Variants in SFI1 observed in about 807,000 individuals in gnomAD.
The protein encoded by SFI1 is protein SFI1 homolog.
A neutral mutation model predicts 207.5 loss-of-function variants in SFI1; 195 were observed. That is an observed-to-expected ratio of 0.94 (90% CI 0.84 to 1.06). The LOEUF (loss-of-function observed/expected upper bound fraction) is 1.06, where lower values mean the gene tolerates loss of function less well. Ranked by LOEUF, SFI1 falls within the 50% of genes least tolerant of loss-of-function variation. The pLI, the probability that SFI1 is intolerant of heterozygous loss-of-function variation, is 0.00. For missense variants in SFI1, 1,634 were observed against 1,588.0 expected (o/e 1.03, Z -0.49); for synonymous variants, 630 against 598.9 (o/e 1.05, Z -0.76).
chr22:31,535,496 T>G (rs1245279101), intron 4 of SFI1, among the ~76,000 whole-genome samples: 1 of 151,462 alleles, frequency 6.6e-6, no homozygotes, highest in African/African-American at 2.4e-5. Context: ...ACCTTTTTTT[T>G]GTTTTTTCTT....
chr22:31,613,579 G>A, intron 26 of SFI1, 23 bp from the exon 27 acceptor site: 1 of 1,578,024 alleles, frequency 6.3e-7, no homozygotes. Flanking sequence ...TGTGGCATGA[G>A]CTGACCAGAG....
rs200450585 is a variant in SFI1 at position 31,600,274 on chromosome 22, A to G, written c.1545-1938A>G. On this transcript the variant is annotated intron_variant, in intron 15 of 32. Coordinates refer to ENST00000400288, the MANE Select transcript of SFI1 (RefSeq NM_001007467.3). ...AATTCAGCCTCTTATATTTACCCAC[A>G]TATTTTCCCTTTCCAGTGTTCCTTG... is the stretch of plus-strand genomic sequence containing the variant. 2.0e-4 allele frequency among the ~76,000 whole-genome samples: 30 copies of G among 152,272 alleles called. No individual in the cohort carries two copies. In the East Asian group the frequency reaches 5.2e-3, roughly 26 times the overall value.
In SFI1 at chr22:31,615,222, G is replaced by A; in HGVS notation, c.3243G>A (p.Glu1081=). 1 of 1,544,584 alleles carries A rather than the reference G, an allele frequency of 6.5e-7. No individual in the cohort carries two copies. Among genetic ancestry groups the A allele is most frequent in the Non-Finnish European group, 8.7e-7 (1 of 1,153,118 alleles). ...CCCCGACGGCAAGCACAGGCCCGGA[G>A]CTGCTGCTGCTGCCTCTTTCCTCCT... ...KQPPTASTGP[E]LLLLPLSSFM... Residue 1081 remains glutamate (E), a synonymous_variant, in exon 29 of 33, where the codon GAG becomes GAA. Coordinates refer to ENST00000400288, the MANE Select transcript of SFI1 (RefSeq NM_001007467.3).
intron 17 of SFI1, 39 bp downstream of exon 17, chr22:31,602,824 A>T (rs1281392164): frequency 3.1e-6 from 5 of 1,596,618 alleles, no homozygotes. Context: ...TTTCCATCAC[A>T]GGCCAGCTTT....
intron 7 of SFI1, chr22:31,559,483 A>T: frequency 2.1e-6 from 1 of 483,740 alleles, no homozygotes; most frequent in Non-Finnish European, 3.9e-6. Context: ...TGTTCCTGCT[A>T]TGTCTCTAGT....
chr22:31,615,063 G>A lies in SFI1; in HGVS notation c.3084G>A (p.Gln1028=). ...CTGTGCTCAGGCCTCAGAAGCCACAGGAACATGGCCTAGGCATGGCTCAGC... is the reference window on the plus strand; with the variant it reads ...CTGTGCTCAGGCCTCAGAAGCCACAAGAACATGGCCTAGGCATGGCTCAGC... ...PAQSQRPQKP[Q]EHGLGMAQPA... Residue 1028 remains glutamine, a synonymous_variant, in exon 29 of 33, where the codon CAG becomes CAA. Coordinates refer to ENST00000400288, the MANE Select transcript of SFI1 (RefSeq NM_001007467.3). The A allele has an allele frequency of 6.2e-7, 1 of 1,610,742 alleles. No individual in the cohort carries two copies. Among genetic ancestry groups the A allele is most frequent in the African/African-American group, 1.3e-5 (1 of 74,930 alleles).
rs548843599 is a variant in SFI1 at position 31,568,142 on chromosome 22, A to ACT, written c.766-4903_766-4902dup. Among the ~76,000 whole-genome samples, 9 of 129,366 alleles carry ACT rather than the reference A, an allele frequency of 7.0e-5. No individual in the cohort carries two copies. In the East Asian group the frequency reaches 7.0e-4, roughly 10 times the overall value. 84.9% of individuals were successfully genotyped at this position (129,366 alleles called of 152,430 possible). A position where few individuals can be genotyped will look rare whatever the true frequency, so the allele number is the denominator to read the frequency against. ...ATTGGAACTGTAAATATCAATATGG[A>ACT]CTCTCTCTCTCTCTATATATATATG... is the stretch of plus-strand genomic sequence containing the variant. On this transcript the variant is annotated intron_variant, in intron 8 of 32. Transcript: ENST00000400288.
chr22:31,604,929 A>C lies in SFI1; in HGVS notation c.2038A>C (p.Asn680His), dbSNP rs1212879868. 29 of 1,610,274 alleles carry C rather than the reference A, an allele frequency of 1.8e-5. No homozygotes were observed. The highest frequency in any genetic ancestry group is 2.3e-5 in the Non-Finnish European group (27 of 1,178,154). The change falls in exon 20 of 33, where the codon AAC (asparagine) becomes CAC (histidine). Residue 680 changes from asparagine to histidine, a missense_variant. Asn to His is a moderately conservative substitution (Grantham distance 68, BLOSUM62 1). Coordinates refer to ENST00000400288, the MANE Select transcript of SFI1 (RefSeq NM_001007467.3). ...REVAARESQH[N>H]RQLLRGALRR... ...GGTGGCAGCCAGGGAGAGCCAGCAC[A>C]ACAGGCAGCTGCTGCGGTGAGTCTC...
At chr22:31,548,160 CAG>C (rs949652153) in intron 5 of SFI1, among the ~76,000 whole-genome samples, 1 of 151,210 alleles carries the variant, frequency 6.6e-6, no homozygotes, top group Non-Finnish European at 1.5e-5. Flanking sequence ...GTGGAGCTTG[CAG>C]TGAGCCAAGA....
intron 2 of SFI1, among the ~76,000 whole-genome samples, chr22:31,515,129 A>C (rs1361184072): frequency 6.6e-6 from 1 of 151,828 alleles, no homozygotes; most frequent in African/African-American, 2.4e-5. Flanking sequence ...TTGGTATCAC[A>C]CTTTGATAAC....
At chr22:31,540,853 A>G (rs752624075) in intron 4 of SFI1, among the ~76,000 whole-genome samples, 98 of 152,282 alleles carry the variant, frequency 6.4e-4, no homozygotes, top group Non-Finnish European at 1.2e-3. Flanking sequence ...TGCTGGGATT[A>G]TAGACATGAC....
intron 8 of SFI1, among the ~76,000 whole-genome samples, chr22:31,566,221 G>A (rs922245552): frequency 1.3e-5 from 2 of 150,754 alleles, no homozygotes; most frequent in African/African-American, 2.4e-5. Context: ...AGCTTCCCAT[G>A]TAGCTGGGAC....
At chr22:31,588,451 A>G (rs938698812) in intron 14 of SFI1, among the ~76,000 whole-genome samples, 6 of 152,328 alleles carry the variant, frequency 3.9e-5, no homozygotes, top group Non-Finnish European at 7.3e-5. Flanking sequence ...AGCCAGATTC[A>G]AGGGGAGGGA....
Position 31,606,362 on chromosome 22 carries a change from GC to G in SFI1, c.2092del (p.Arg698GlufsTer203). ...ALRRWKENTM[A>X]RVDEAKKTFQ... ...ACGTCGCTGGAAAGAGAACACCATGGCCCGAGTGGATGAAGCCAAAAAAACC... is the reference window on the plus strand; with the variant it reads ...ACGTCGCTGGAAAGAGAACACCATGGCCGAGTGGATGAAGCCAAAAAAACC... On this transcript the variant is annotated frameshift_variant, in exon 21 of 33. Transcript: ENST00000400288. LOFTEE classifies it high-confidence loss of function. 2 of 1,613,890 alleles carry G rather than the reference GC, an allele frequency of 1.2e-6. No homozygotes were observed. Among genetic ancestry groups the G allele is most frequent in the East Asian group, 2.2e-5 (1 of 44,874 alleles).
At chr22:31,536,261 C>T (rs1049275017) in intron 4 of SFI1, among the ~76,000 whole-genome samples, 1 of 152,138 alleles carries the variant, frequency 6.6e-6, no homozygotes, top group African/African-American at 2.4e-5. Flanking sequence ...GTTTCAGCTG[C>T]TGGTCTTAAA....
At chr22:31,550,976 A>G (rs1183957466) in intron 6 of SFI1, among the ~76,000 whole-genome samples, 1 of 152,172 alleles carries the variant, frequency 6.6e-6, no homozygotes, top group Non-Finnish European at 1.5e-5. Flanking sequence ...TCTTCTGTCT[A>G]GGAAGACTTA....
At chr22:31,592,410 A>C (rs1373247991) in intron 15 of SFI1, among the ~76,000 whole-genome samples, 4 of 29,840 alleles carry the variant, frequency 1.3e-4, no homozygotes, top group Non-Finnish European at 1.2e-4. Flanking sequence ...CAGGGGGCTG[A>C]CCCCCCCACC....
chr22:31,559,867 T>G (rs1318419532), intron 7 of SFI1: 1 of 672,918 alleles, frequency 1.5e-6, no homozygotes, highest in East Asian at 3.0e-5. Context: ...TCTGGGGCCT[T>G]CGTGTCCGAG....
intron 2 of SFI1, among the ~76,000 whole-genome samples, chr22:31,520,273 G>C (rs145760313): frequency 6.6e-6 from 1 of 151,336 alleles, no homozygotes; most frequent in African/African-American, 2.4e-5. Context: ...AGCTTGACTT[G>C]AATGGTAATT....
Sources: gnomAD v4.1 joint callset for allele counts (sites outside exome capture counted in the v4.1 genomes callset) on GRCh38, gnomAD v4.1.1 for gene constraint, MANE v1.5 for transcripts, NCBI Gene and HGNC (gene_info 2026-07-23, HGNC 2026-07-21) for gene names.